PLCH1: variants seen among roughly 807,000 people sequenced by gnomAD.
The protein encoded by PLCH1 is phospholipase C eta 1, also known as 1-phosphatidylinositol 4,5-bisphosphate phosphodiesterase eta-1.
Under a neutral mutation model 126.7 loss-of-function variants are expected in PLCH1, and 60 were observed. That is an observed-to-expected ratio of 0.47 (90% CI 0.38 to 0.59). The LOEUF is 0.59. Among genes scored for constraint, PLCH1 ranks in the 20% least tolerant of loss-of-function variants. The pLI, the probability that PLCH1 is intolerant of heterozygous loss-of-function variation, is 0.00. For synonymous variants in PLCH1, 719 were observed against 734.9 expected (o/e 0.98, Z 0.35); for missense variants, 1,723 against 2,040.0 (o/e 0.84, Z 2.99).
intron 2 of PLCH1, among the ~76,000 whole-genome samples, chr3:155,697,482 A>G (rs1319796630): frequency 6.6e-6 from 1 of 152,188 alleles, no homozygotes; most frequent in Non-Finnish European, 1.5e-5. Context: ...CCCAGAAAGA[A>G]GCAGGGGAAG....
At chr3:155,699,414 A>T (rs2109067762) in intron 2 of PLCH1, among the ~76,000 whole-genome samples, 1 of 152,222 alleles carries the variant, frequency 6.6e-6, no homozygotes, top group East Asian at 1.9e-4. Flanking sequence ...TGAAATCTTG[A>T]TTGTCATTGC....
chr3:155,537,223 A>AAAC (rs1723541205), intron 10 of PLCH1, among the ~76,000 whole-genome samples: 1 of 10,782 alleles, frequency 9.3e-5, no homozygotes, highest in Non-Finnish European at 9.9e-4. Flanking sequence ...AAAAAAAAAA[A>AAAC]AAAAAAAAAA....
chr3:155,673,048 CTTTTTT>C (rs66672315), intron 2 of PLCH1, among the ~76,000 whole-genome samples: 12 of 68,220 alleles, frequency 1.8e-4, no homozygotes, highest in African/African-American at 6.8e-4. Flanking sequence ...CTTCTGTTGC[CTTTTTT>C]TTTTTTTTTT....
At chr3:155,528,884 C>T (rs187990402) in intron 10 of PLCH1, among the ~76,000 whole-genome samples, 21 of 152,240 alleles carry the variant, frequency 1.4e-4, no homozygotes, top group African/African-American at 5.1e-4. Context: ...AATTTTCAGT[C>T]CTTTAAAAAT....
rs1714015480 is a variant in PLCH1 at position 155,481,370 on chromosome 3, C to A, written c.4656G>T (p.Val1552=). The change falls in exon 23 of 23, where the codon GTG becomes GTT. Residue 1552 remains valine (V), a synonymous_variant. Coordinates refer to ENST00000460012, the MANE Select transcript of PLCH1 (RefSeq NM_014996.4). The surrounding 1 kb of genome is among the most constrained non-coding windows in gnomAD (Gnocchi z 4.2). ...VSFDQEDNCQ[V]LYSKQDANQL... ...GATTGGCATCCTGCTTTGAATATAG[C>A]ACTTGGCAGTTGTCTTCCTGGTCAA... is the stretch of plus-strand genomic sequence containing the variant. 6.2e-7 allele frequency: 1 copy of A among 1,614,200 alleles called. No homozygotes were observed. Among genetic ancestry groups the A allele is most frequent in the Non-Finnish European group, 8.5e-7 (1 of 1,180,038 alleles).
At chr3:155,563,094 T>A (rs769374733) in intron 8 of PLCH1, among the ~76,000 whole-genome samples, 22 of 152,212 alleles carry the variant, frequency 1.4e-4, no homozygotes, top group Non-Finnish European at 2.6e-4. Context: ...ATCCAAGTAC[T>A]CCTGTTCTCT....
chr3:155,674,573 A>G (rs1454941306), intron 2 of PLCH1, among the ~76,000 whole-genome samples: 3 of 152,224 alleles, frequency 2.0e-5, no homozygotes, highest in Non-Finnish European at 2.9e-5. Flanking sequence ...CAAGATGGCT[A>G]GTCAGTAATG....
chr3:155,724,633 G>A (rs1413508192), intron 1 of PLCH1, among the ~76,000 whole-genome samples: 4 of 152,002 alleles, frequency 2.6e-5, no homozygotes, highest in East Asian at 1.9e-4. Flanking sequence ...TATGTGAGTC[G>A]TTCTGTGTTA....
chr3:155,534,034 TG>T (rs1419116157), intron 10 of PLCH1, among the ~76,000 whole-genome samples: 2 of 152,146 alleles, frequency 1.3e-5, no homozygotes, highest in African/African-American at 2.4e-5. Flanking sequence ...GGAAGAGAAA[TG>T]TGGAGTTGGA....
chr3:155,618,628 T>C (rs77290909), intron 2 of PLCH1, among the ~76,000 whole-genome samples: 3,129 of 152,272 alleles, frequency 0.021, 119 homozygotes, highest in African/African-American at 0.072. Context: ...CCTATTTACT[T>C]AAATTCCCAA....
intron 10 of PLCH1, among the ~76,000 whole-genome samples, chr3:155,528,597 A>G (rs997591727): frequency 6.6e-6 from 1 of 152,254 alleles, no homozygotes; most frequent in Non-Finnish European, 1.5e-5. Context: ...TTGAAACAGC[A>G]TAAAATAGAA....
At chr3:155,487,601 C>A (rs563257249) in intron 21 of PLCH1, among the ~76,000 whole-genome samples, 2 of 152,314 alleles carry the variant, frequency 1.3e-5, no homozygotes, top group South Asian at 4.1e-4. Context: ...ATGAATGTAG[C>A]CTGCCTAGAA....
intron 11 of PLCH1, among the ~76,000 whole-genome samples, chr3:155,519,849 T>C (rs558095401): frequency 6.6e-6 from 1 of 151,990 alleles, no homozygotes; most frequent in Admixed American, 6.5e-5. Context: ...AATTTTTTTT[T>C]CCTTTGGCTA....
chr3:155,469,986 C>G (rs1345102898), intron 21 of PLCH1, among the ~76,000 whole-genome samples: 1 of 152,188 alleles, frequency 6.6e-6, no homozygotes, highest in Non-Finnish European at 1.5e-5. Context: ...AAAAACAGAA[C>G]AGAAAAACTG....
chr3:155,735,663 A>G (rs937594221), intron 1 of PLCH1, among the ~76,000 whole-genome samples: 4 of 151,832 alleles, frequency 2.6e-5, no homozygotes, highest in African/African-American at 9.7e-5. Flanking sequence ...ATAAGGGTAG[A>G]TTTTCAGTGT....
intron 1 of PLCH1, among the ~76,000 whole-genome samples, chr3:155,722,677 G>A (rs886435772): frequency 6.6e-6 from 1 of 152,184 alleles, no homozygotes; most frequent in African/African-American, 2.4e-5. Context: ...AAACCCGCTT[G>A]ATCATGGTGG....
chr3:155,543,125 A>G (rs777716001), intron 10 of PLCH1, among the ~76,000 whole-genome samples: 3 of 152,224 alleles, frequency 2.0e-5, no homozygotes, highest in Non-Finnish European at 2.9e-5. Context: ...AAGGCAAAGA[A>G]GTTGAAAACT....
At position 155,614,754 on chromosome 3, in the gene PLCH1, C is replaced by T. The variant is rs1176205100; in HGVS notation, c.80-18376G>A. 2.0e-5 allele frequency among the ~76,000 whole-genome samples: 3 copies of T among 152,142 alleles called. No homozygotes were observed. The East Asian group carries it at 5.8e-4, about 29-fold the overall frequency. ...ACATGTAGAAGAATGAAACTGGATC[C>T]TCATTTCTCATCTTATACAAAAATC... On this transcript the variant is annotated intron_variant, in intron 2 of 22. Transcript: ENST00000460012.
chr3:155,610,786 C>CAAAA (rs58036188), intron 2 of PLCH1, among the ~76,000 whole-genome samples: 7 of 150,808 alleles, frequency 4.6e-5, no homozygotes, highest in African/African-American at 1.7e-4. Flanking sequence ...ACAGGGCCTA[C>CAAAA]AAAAAAAACA....
Sources: gnomAD v4.1 joint callset for allele counts (sites outside exome capture counted in the v4.1 genomes callset) on GRCh38, gnomAD v4.1.1 for gene constraint, Gnocchi (gnomAD v3.1) non-coding constraint, MANE v1.5 for transcripts, NCBI Gene and HGNC (gene_info 2026-07-23, HGNC 2026-07-21) for gene names.